The following CPE variants were observed in gnomAD, a reference collection of about 807,000 sequenced individuals.
CPE encodes carboxypeptidase E.
A neutral mutation model predicts 53.5 loss-of-function variants in CPE; 17 were observed. That is an observed-to-expected ratio of 0.32 (90% CI 0.22 to 0.48). The LOEUF (loss-of-function observed/expected upper bound fraction) is 0.48. CPE is among the 20% of genes least tolerant of loss of function. The pLI is 0.99. For synonymous variants in CPE, 226 were observed against 228.8 expected (o/e 0.99, Z 0.11); for missense variants, 524 against 614.7 (o/e 0.85, Z 1.56).
At chr4:165,447,599 A>C (rs956673889) in intron 1 of CPE, among the ~76,000 whole-genome samples, 22 of 151,474 alleles carry the variant, frequency 1.5e-4, no homozygotes, top group Admixed American at 1.3e-3. Context: ...AGAAAAGAAA[A>C]GAAAAGAAAT....
chr4:165,404,537 A>G, intron 1 of CPE: 7 of 878,746 alleles, frequency 8.0e-6, no homozygotes, highest in Middle Eastern at 2.5e-4. Flanking sequence ...CTGCTCCCCA[A>G]AGGCTTTGCC....
chr4:165,438,823 C>T (rs147765508), intron 1 of CPE, among the ~76,000 whole-genome samples: 18 of 152,232 alleles, frequency 1.2e-4, no homozygotes, highest in African/African-American at 3.9e-4. Context: ...CACTCATGGA[C>T]TGTAGAGTTT....
intron 1 of CPE, among the ~76,000 whole-genome samples, chr4:165,394,348 T>C (rs35355030): frequency 0.26 from 39,529 of 152,034 alleles, 5,345 homozygotes; most frequent in East Asian, 0.41. Context: ...AGTGCTTCTG[T>C]GAATAGATTC....
chr4:165,449,682 A>G (rs548085306), intron 1 of CPE, among the ~76,000 whole-genome samples: 2 of 152,224 alleles, frequency 1.3e-5, no homozygotes, highest in South Asian at 2.1e-4. Context: ...GGTTTCGTGC[A>G]ATTTCATGTA....
intron 1 of CPE, among the ~76,000 whole-genome samples, chr4:165,460,905 A>G (rs1731986852): frequency 6.6e-6 from 1 of 152,096 alleles, no homozygotes; most frequent in Admixed American, 6.5e-5. Context: ...AGTCTGGGTG[A>G]CAGAGGAGTT....
At chr4:165,398,540 G>A (rs1453626121) in intron 1 of CPE, among the ~76,000 whole-genome samples, 1 of 152,118 alleles carries the variant, frequency 6.6e-6, no homozygotes, top group East Asian at 1.9e-4. Context: ...ATTTAAAAAT[G>A]GAGAGGCAAG....
At chr4:165,384,525 G>A (rs1730556745) in intron 1 of CPE, among the ~76,000 whole-genome samples, 1 of 152,188 alleles carries the variant, frequency 6.6e-6, no homozygotes, top group African/African-American at 2.4e-5. Flanking sequence ...GGGGGCTTAG[G>A]AGGGCGCTTG....
intron 1 of CPE, among the ~76,000 whole-genome samples, chr4:165,399,480 C>T (rs539504919): frequency 6.6e-6 from 1 of 152,270 alleles, no homozygotes; most frequent in East Asian, 1.9e-4. Context: ...TTCTCCTGCC[C>T]TGGCCTCCTG....
At chr4:165,440,468 A>G (rs73860752) in intron 1 of CPE, among the ~76,000 whole-genome samples, 1 of 108,372 alleles carries the variant, frequency 9.2e-6, no homozygotes, top group South Asian at 2.6e-4. Context: ...CCCCCCACAC[A>G]CACAAGCTGT....
chr4:165,460,518 TAGAG>T (rs971162529), intron 1 of CPE, among the ~76,000 whole-genome samples: 18 of 152,270 alleles, frequency 1.2e-4, no homozygotes, highest in African/African-American at 4.3e-4. Flanking sequence ...GCCTGTTGGC[TAGAG>T]CAATGAGCCA....
chr4:165,438,305 T>A (rs1471447694), intron 1 of CPE, among the ~76,000 whole-genome samples: 1 of 151,758 alleles, frequency 6.6e-6, no homozygotes, highest in African/African-American at 2.4e-5. Context: ...TGTGAGGGAG[T>A]TGTTTTGCAG....
intron 3 of CPE, among the ~76,000 whole-genome samples, chr4:165,470,077 A>G (rs1732175093): frequency 6.6e-6 from 1 of 152,212 alleles, no homozygotes; most frequent in African/African-American, 2.4e-5. Flanking sequence ...TTGCCTCCTC[A>G]GAAGAATTCG....
chr4:165,390,433 G>A (rs372268909), intron 1 of CPE, among the ~76,000 whole-genome samples: 6 of 152,236 alleles, frequency 3.9e-5, no homozygotes, highest in Middle Eastern at 6.8e-3. Flanking sequence ...AATTTTTGCC[G>A]CCATTTCTTG....
chr4:165,392,019 G>A (rs1033448624), intron 1 of CPE, among the ~76,000 whole-genome samples: 8 of 151,726 alleles, frequency 5.3e-5, no homozygotes, highest in Non-Finnish European at 7.4e-5. Context: ...AAGCATTCAA[G>A]ATACATTGTG....
At chr4:165,464,334 A>G in intron 1 of CPE, 56 bp from the exon 2 acceptor site, 1 of 1,332,560 alleles carries the variant, frequency 7.5e-7, no homozygotes, top group East Asian at 2.4e-5. Flanking sequence ...GGTATACAAT[A>G]TATTTGGCTC....
At chr4:165,477,865 A>G (rs1400462362) in intron 3 of CPE, among the ~76,000 whole-genome samples, 1 of 151,836 alleles carries the variant, frequency 6.6e-6, no homozygotes, top group Non-Finnish European at 1.5e-5. Context: ...AGACACATCC[A>G]CTCGCTCGAG....
chr4:165,469,417 C>G lies in CPE; in HGVS notation c.672+1562C>G, dbSNP rs115397979. ...GCTCTTGGCCCCTGGAAGCTGCCGG[C>G]TGGTTTATTCCTTAAGCTGGCTTCG... On this transcript the variant is annotated intron_variant, in intron 3 of 8. Transcript: ENST00000402744. 5.1e-3 allele frequency among the ~76,000 whole-genome samples: 784 copies of G among 152,270 alleles called. 5 individuals carry two copies. Among genetic ancestry groups the G allele is most frequent in the African/African-American group, 0.018 (739 of 41,554 alleles).
chr4:165,423,299 T>G (rs891303522), intron 1 of CPE, among the ~76,000 whole-genome samples: 1 of 152,186 alleles, frequency 6.6e-6, no homozygotes, highest in Non-Finnish European at 1.5e-5. Context: ...GGTTGACTTT[T>G]CCTTTTAGCT....
intron 1 of CPE, chr4:165,405,806 GC>G: frequency 1.3e-6 from 1 of 766,658 alleles, no homozygotes; most frequent in East Asian, 2.6e-5. Context: ...ATTTTGGGCA[GC>G]CTTTGTGTGC....
Sources: allele counts gnomAD v4.1 joint callset (sites outside exome capture counted in the v4.1 genomes callset), GRCh38; gene constraint gnomAD v4.1.1; transcripts MANE v1.5; gene names NCBI Gene and HGNC (gene_info 2026-07-23, HGNC 2026-07-21).